Variants in ANKS1B observed in about 807,000 individuals in gnomAD.
ANKS1B encodes the protein ankyrin repeat and sterile alpha motif domain containing 1B, also known as ankyrin repeat and sterile alpha motif domain-containing protein 1B.
Under a neutral mutation model 148.3 loss-of-function variants are expected in ANKS1B, and 36 were observed. The ratio of observed to expected loss-of-function variants is 0.24; its 90% CI spans 0.19 to 0.32. The LOEUF (loss-of-function observed/expected upper bound fraction) is 0.32, where lower values mean the gene tolerates loss of function less well. ANKS1B is among the 10% of genes least tolerant of loss of function. The pLI is 1.00. For missense variants in ANKS1B, 1,157 were observed against 1,542.6 expected, an observed-to-expected ratio of 0.75 and a Z score of 4.19; for synonymous variants, 542 against 560.8, an observed-to-expected ratio of 0.97 and a Z score of 0.47.
rs192252120 is a variant in ANKS1B at position 99,138,698 on chromosome 12, T to C, written c.2526+15591A>G. 4.6e-3 allele frequency among the ~76,000 whole-genome samples: 697 copies of C among 152,284 alleles called. 27 individuals are homozygous for C. The highest frequency in any genetic ancestry group is 0.041 in the Admixed American group (633 of 15,294). Reference sequence around the variant, plus strand: ...ATTACATGACCCCTAGGGTTGTCAATAGATCCGTAGCTCTTTTGCTCTTCA... The same window carrying C: ...ATTACATGACCCCTAGGGTTGTCAACAGATCCGTAGCTCTTTTGCTCTTCA... On this transcript the variant is annotated intron_variant, in intron 15 of 26. Coordinates refer to ENST00000683438, the MANE Select transcript of ANKS1B (RefSeq NM_001352186.2).
chr12:99,485,708 C>T (rs1374494986), intron 10 of ANKS1B, among the ~76,000 whole-genome samples: 1 of 152,058 alleles, frequency 6.6e-6, no homozygotes, highest in Non-Finnish European at 1.5e-5. Flanking sequence ...TTCTTGAAGA[C>T]TGTATTCATT....
Position 99,901,313 on chromosome 12 carries a change from T to C in ANKS1B, c.135-75924A>G, listed in dbSNP as rs150896237. Among the ~76,000 whole-genome samples the C allele has an allele frequency of 7.0e-3, 1,062 of 152,316 alleles. 6 individuals carry two copies. Among genetic ancestry groups the C allele is most frequent in the Non-Finnish European group, 7.7e-3 (526 of 68,030 alleles). ...TTAAGTAGAAAATATTATCATATTC[T>C]CACAACTGTCAGCCTGTGCTGCCAG... On this transcript the variant is annotated intron_variant, in intron 1 of 26. Coordinates refer to ENST00000683438, the MANE Select transcript of ANKS1B (RefSeq NM_001352186.2).
chr12:99,009,859 CAAAA>C (rs1272810859), intron 17 of ANKS1B, among the ~76,000 whole-genome samples: 1 of 147,278 alleles, frequency 6.8e-6, no homozygotes, highest in Non-Finnish European at 1.5e-5. Flanking sequence ...AAAAAACAAA[CAAAA>C]AACCCAAAAA....
chr12:98,821,006 GTA>G (rs1332527000), intron 19 of ANKS1B, among the ~76,000 whole-genome samples: 21 of 152,118 alleles, frequency 1.4e-4, no homozygotes, highest in Admixed American at 1.4e-3. Context: ...CAACCCAAAC[GTA>G]TAGTTTCATA....
chr12:99,002,488 C>T (rs1327059645), intron 17 of ANKS1B, among the ~76,000 whole-genome samples: 7 of 147,546 alleles, frequency 4.7e-5, no homozygotes, highest in African/African-American at 1.5e-4. Context: ...GTACTTATCT[C>T]TCTTTTTTTT....
intron 14 of ANKS1B, among the ~76,000 whole-genome samples, chr12:99,176,013 A>AT (rs933282641): frequency 1.3e-5 from 2 of 151,836 alleles, no homozygotes; most frequent in Admixed American, 6.6e-5. Context: ...TGCCCGGCTA[A>AT]TTTTTTTGTA....
intron 12 of ANKS1B, among the ~76,000 whole-genome samples, chr12:99,269,708 G>A (rs1197874062): frequency 6.6e-6 from 1 of 152,046 alleles, no homozygotes; most frequent in East Asian, 1.9e-4. Flanking sequence ...ACAGGCGCCC[G>A]CCACCACGCC....
intron 8 of ANKS1B, among the ~76,000 whole-genome samples, chr12:99,675,471 A>G (rs1356020713): frequency 2.6e-5 from 4 of 151,856 alleles, no homozygotes; most frequent in African/African-American, 4.8e-5. Context: ...AGTATAATAA[A>G]CCCTAGGAGG....
At chr12:98,939,251 T>C (rs546146630) in intron 17 of ANKS1B, among the ~76,000 whole-genome samples, 26 of 152,252 alleles carry the variant, frequency 1.7e-4, no homozygotes, top group Non-Finnish European at 3.8e-4. Context: ...TGAATATAGC[T>C]GGTACATAAG....
chr12:98,975,787 TGA>T (rs771591770), intron 17 of ANKS1B, among the ~76,000 whole-genome samples: 5 of 150,018 alleles, frequency 3.3e-5, no homozygotes, highest in Middle Eastern at 3.4e-3. Context: ...ACACCTGCAG[TGA>T]GAGAGAGAGA....
intron 17 of ANKS1B, among the ~76,000 whole-genome samples, chr12:98,982,720 A>C (rs1427787553): frequency 6.6e-6 from 1 of 152,194 alleles, no homozygotes; most frequent in African/African-American, 2.4e-5. Flanking sequence ...TATCATTGTA[A>C]TCATAGTTTG....
At chr12:98,958,677 A>G (rs954505079) in intron 17 of ANKS1B, among the ~76,000 whole-genome samples, 3 of 152,248 alleles carry the variant, frequency 2.0e-5, no homozygotes, top group African/African-American at 7.2e-5. Context: ...TGTCAGAGTT[A>G]TAAAATCATT....
rs75268962 is a variant in ANKS1B at position 99,301,354 on chromosome 12, T to C, written c.1757-54490A>G. On this transcript the variant is annotated intron_variant, in intron 12 of 26. Coordinates refer to ENST00000683438, the MANE Select transcript of ANKS1B (RefSeq NM_001352186.2). Reference sequence around the variant, plus strand: ...TGTCGAGTTGACATAAAATTAACCATTACACCAGAGGAAAAAAGAAAAAAA... The same window carrying C: ...TGTCGAGTTGACATAAAATTAACCACTACACCAGAGGAAAAAAGAAAAAAA... 9.5e-4 allele frequency among the ~76,000 whole-genome samples: 145 copies of C among 152,202 alleles called. 4 individuals are homozygous for C. In the East Asian group the frequency reaches 0.026, roughly 28 times the overall value.
At chr12:99,423,754 A>G (rs1461629350) in intron 11 of ANKS1B, among the ~76,000 whole-genome samples, 3 of 152,138 alleles carry the variant, frequency 2.0e-5, no homozygotes, top group Non-Finnish European at 2.9e-5. Context: ...ACCAAACACC[A>G]CATGTTCTCA....
rs547248637 is a variant in ANKS1B, at chr12:99,022,790, G to A, written c.2778+30367C>T. Among the ~76,000 whole-genome samples the A allele has an allele frequency of 9.2e-5, 14 of 152,134 alleles. No homozygotes were observed. The South Asian group carries it at 2.7e-3, about 29-fold the overall frequency. On this transcript the variant is annotated intron_variant, in intron 17 of 26. Transcript: ENST00000683438. Reference sequence around the variant, plus strand: ...CAGCCTCAAACTCCTGGGCTCAAGGGATCTTCCTGCCTCAGCCTCCTGAGT... The same window carrying A: ...CAGCCTCAAACTCCTGGGCTCAAGGAATCTTCCTGCCTCAGCCTCCTGAGT...
At chr12:99,662,795 CCCCT>C (rs1246461613) in intron 8 of ANKS1B, among the ~76,000 whole-genome samples, 3 of 152,124 alleles carry the variant, frequency 2.0e-5, no homozygotes, top group African/African-American at 7.2e-5. Flanking sequence ...TCCTCCCCCT[CCCCT>C]ATCAATATTT....
rs921096004 is a variant in ANKS1B at position 99,715,880 on chromosome 12, A to G, written c.1128+57042T>C. 3.3e-5 allele frequency among the ~76,000 whole-genome samples: 5 copies of G among 152,316 alleles called. No homozygotes were observed. The East Asian group carries it at 7.7e-4, about 24-fold the overall frequency. Reference sequence around the variant, plus strand: ...ATTGCTTTCATTTTCTGGTAGAAACAAAGAAGACACATTTTATCCGTGGAC... The same window carrying G: ...ATTGCTTTCATTTTCTGGTAGAAACGAAGAAGACACATTTTATCCGTGGAC... On this transcript the variant is annotated intron_variant, in intron 8 of 26. Coordinates refer to ENST00000683438, the MANE Select transcript of ANKS1B (RefSeq NM_001352186.2).
At chr12:98,766,381 C>G (rs543663294) in intron 25 of ANKS1B, among the ~76,000 whole-genome samples, 2 of 152,344 alleles carry the variant, frequency 1.3e-5, no homozygotes, top group East Asian at 3.9e-4. Flanking sequence ...CTTCCTGCAG[C>G]TGACTTGCTG....
intron 17 of ANKS1B, among the ~76,000 whole-genome samples, chr12:98,934,303 T>C (rs924020293): frequency 1.3e-5 from 2 of 152,268 alleles, no homozygotes; most frequent in South Asian, 2.1e-4. Context: ...CAGTTGACCA[T>C]GTATGCATGG....
Sources: gnomAD v4.1 joint callset for allele counts (sites outside exome capture counted in the v4.1 genomes callset) on GRCh38, gnomAD v4.1.1 for gene constraint, MANE v1.5 for transcripts, NCBI Gene and HGNC (gene_info 2026-07-23, HGNC 2026-07-21) for gene names.